The following TAC1 variants were observed in gnomAD, a reference collection of about 807,000 sequenced individuals.
The protein encoded by TAC1 is protachykinin-1.
Under a neutral mutation model 21.7 loss-of-function variants are expected in TAC1, and 12 were observed. The observed-to-expected ratio is 0.55, with a 90% CI of 0.35 to 0.89. The LOEUF is 0.89. Ranked by LOEUF, TAC1 falls within the 40% of genes least tolerant of loss-of-function variation. The pLI, the probability that TAC1 is intolerant of heterozygous loss-of-function variation, is 0.01. For missense variants in TAC1, 128 were observed against 151.4 expected, an observed-to-expected ratio of 0.85 and a Z score of 0.81; for synonymous variants, 52 against 52.0, an observed-to-expected ratio of 1.00 and a Z score of 0.00.
rs1789456677 is a variant in TAC1 at position 97,732,443 on chromosome 7, C to T, written c.-9-161C>T. On this transcript the variant is annotated intron_variant, in intron 1 of 6. Coordinates refer to ENST00000319273, the MANE Select transcript of TAC1 (RefSeq NM_003182.3). This position sits in a 1 kb window ranked among gnomAD's most constrained non-coding sequence, Gnocchi z 6.2. ...GTTGGAGAATCTTTGGGACGCGATT[C>T]TCTCGCCTAACCGGTACAGGTGAGA... Among the ~76,000 whole-genome samples, 1 of 152,202 alleles carries T rather than the reference C, an allele frequency of 6.6e-6. No individual in the cohort carries two copies. Among genetic ancestry groups the T allele is most frequent in the Non-Finnish European group, 1.5e-5 (1 of 68,030 alleles).
chr7:97,733,699 T>G (rs766706281), intron 2 of TAC1, 24 bp from the exon 3 acceptor site: 1 of 1,612,930 alleles, frequency 6.2e-7, no homozygotes, highest in Non-Finnish European at 8.5e-7. Flanking sequence ...TTACACGCCC[T>G]TTGTCCGTGC....
chr7:97,733,379 G>A (rs1371463411), intron 2 of TAC1, among the ~76,000 whole-genome samples: 1 of 152,084 alleles, frequency 6.6e-6, no homozygotes, highest in African/African-American at 2.4e-5. Context: ...AGGGCGGTGA[G>A]GACTCTACAA....
intron 6 of TAC1, among the ~76,000 whole-genome samples, chr7:97,737,646 G>A (rs1789607408): frequency 6.6e-6 from 1 of 151,866 alleles, no homozygotes; most frequent in South Asian, 2.1e-4. Context: ...AAGTCCACAG[G>A]ACTTCCTAGT....
intron 3 of TAC1, 99 bp from the exon 4 acceptor site, chr7:97,734,149 A>C: frequency 1.7e-6 from 2 of 1,179,482 alleles, no homozygotes; most frequent in South Asian, 2.6e-5. Flanking sequence ...GCATTCCCTG[A>C]GGTGAGAGTA....
At chr7:97,734,327 TG>T in intron 4 of TAC1, 35 bp downstream of exon 4, 1 of 1,566,080 alleles carries the variant, frequency 6.4e-7, no homozygotes, top group Non-Finnish European at 8.8e-7. Flanking sequence ...TTTACTATTG[TG>T]AAAGCACATG....
intron 5 of TAC1, among the ~76,000 whole-genome samples, chr7:97,735,633 A>C (rs1789561216): frequency 6.6e-6 from 1 of 152,166 alleles, no homozygotes. Flanking sequence ...AAAAACCAAG[A>C]GAAATTCTCT....
intron 5 of TAC1, among the ~76,000 whole-genome samples, chr7:97,735,844 T>C (rs984438247): frequency 1.6e-4 from 25 of 152,122 alleles, no homozygotes; most frequent in African/African-American, 5.8e-4. Flanking sequence ...ATAAAAACAG[T>C]GACCTTTTAG....
At chr7:97,734,183 C>A in intron 3 of TAC1, 65 bp from the exon 4 acceptor site, 2 of 1,479,682 alleles carry the variant, frequency 1.4e-6, no homozygotes, top group Admixed American at 1.7e-5. Flanking sequence ...ATAGAAATAT[C>A]GTTTCCTTGA....
chr7:97,733,994 G>T, intron 3 of TAC1, 175 bp downstream of exon 3: 1 of 711,546 alleles, frequency 1.4e-6, no homozygotes, highest in Non-Finnish European at 2.3e-6. Context: ...GGCCCGCGGG[G>T]GGAGGGAAAG....
Position 97,732,865 on chromosome 7 carries a change from A to T in TAC1, c.123+130A>T, listed in dbSNP as rs1274037793. ...CGGAAAGAGGCAGCGGTTGCGTGCG[A>T]GAGGATGGAAAGGGGCACTATTTCC... On this transcript the variant is annotated intron_variant, in intron 2 of 6. Transcript: ENST00000319273. The surrounding 1 kb of genome is among the most constrained non-coding windows in gnomAD (Gnocchi z 6.2). 3.3e-5 allele frequency: 41 copies of T among 1,242,836 alleles called. No homozygotes were observed. Among genetic ancestry groups the T allele is most frequent in the Non-Finnish European group, 4.5e-5 (41 of 909,722 alleles). The allele number at this position is 1,242,836 out of a possible 1,614,324, so 77.0% of individuals were successfully genotyped here.
Position 97,732,460 on chromosome 7 carries a change from C to A in TAC1, c.-9-144C>A. 1 of 935,708 alleles carries A rather than the reference C, an allele frequency of 1.1e-6. No homozygotes were observed. The highest frequency in any genetic ancestry group is 1.6e-6 in the Non-Finnish European group (1 of 615,152). The allele number at this position is 935,708 out of a possible 1,614,324, so 58.0% of individuals were successfully genotyped here. ...ACGCGATTCTCTCGCCTAACCGGTACAGGTGAGACTTCAGTCCTTATGTTT... is the reference window on the plus strand; with the variant it reads ...ACGCGATTCTCTCGCCTAACCGGTAAAGGTGAGACTTCAGTCCTTATGTTT... On this transcript the variant is annotated intron_variant, in intron 1 of 6. Coordinates refer to ENST00000319273, the MANE Select transcript of TAC1 (RefSeq NM_003182.3). The surrounding 1 kb of genome is among the most constrained non-coding windows in gnomAD (Gnocchi z 6.2).
intron 6 of TAC1, 79 bp from the exon 7 acceptor site, chr7:97,739,795 C>T (rs1789662119): frequency 8.2e-6 from 8 of 970,162 alleles, no homozygotes; most frequent in Non-Finnish European, 1.1e-5. Flanking sequence ...AAATAAATTA[C>T]TATATGCCCT....
chr7:97,734,184 G>C (rs965646475), intron 3 of TAC1, 64 bp from the exon 4 acceptor site: 3 of 1,494,224 alleles, frequency 2.0e-6, no homozygotes, highest in Non-Finnish European at 2.8e-6. Flanking sequence ...TAGAAATATC[G>C]TTTCCTTGAA....
intron 6 of TAC1, 57 bp from the exon 7 acceptor site, chr7:97,739,817 G>T: frequency 7.5e-7 from 1 of 1,326,062 alleles, no homozygotes; most frequent in Non-Finnish European, 1.1e-6. Flanking sequence ...AACTTTAGTT[G>T]TGTAACTCCC....
intron 6 of TAC1, among the ~76,000 whole-genome samples, chr7:97,737,392 T>G (rs1789599330): frequency 6.6e-6 from 1 of 151,952 alleles, no homozygotes; most frequent in South Asian, 2.1e-4. Flanking sequence ...GAAAAATAAT[T>G]ATCCTAGTGT....
At chr7:97,735,787 AAACT>A (rs1399049799) in intron 5 of TAC1, among the ~76,000 whole-genome samples, 1 of 152,180 alleles carries the variant, frequency 6.6e-6, no homozygotes, top group African/African-American at 2.4e-5. Context: ...GTTCATGTGA[AAACT>A]AATAAACTTT....
At chr7:97,738,842 T>C (rs1455566892) in intron 6 of TAC1, among the ~76,000 whole-genome samples, 1 of 151,954 alleles carries the variant, frequency 6.6e-6, no homozygotes, top group Non-Finnish European at 1.5e-5. Flanking sequence ...ATACAGGCCA[T>C]ACTGAATTTC....
chr7:97,733,177 G>A (rs1562783829), intron 2 of TAC1: 1 of 176,864 alleles, frequency 5.7e-6, no homozygotes, highest in Non-Finnish European at 1.2e-5. Flanking sequence ...GGAGGCTGGA[G>A]GGAAGTTAAT....
Position 97,736,294 on chromosome 7 carries a change from T to C in TAC1, c.290-5T>C, listed in dbSNP as rs1434623573. On this transcript the variant is annotated splice_region_variant and splice_polypyrimidine_tract_variant and intron_variant, in intron 5 of 6. Transcript: ENST00000319273. Reference sequence around the variant, plus strand: ...ATTAAAATACCCCTAAATGTATTTTTCCAGGACATAAAACAGATTCCTTTG... The same window carrying C: ...ATTAAAATACCCCTAAATGTATTTTCCCAGGACATAAAACAGATTCCTTTG... 6.2e-7 allele frequency: 1 copy of C among 1,610,244 alleles called. No homozygotes were observed. Among genetic ancestry groups the C allele is most frequent in the African/African-American group, 1.3e-5 (1 of 74,908 alleles).
Sources: allele counts gnomAD v4.1 joint callset (sites outside exome capture counted in the v4.1 genomes callset), GRCh38; gene constraint gnomAD v4.1.1; non-coding constraint Gnocchi (gnomAD v3.1); transcripts MANE v1.5; gene names NCBI Gene and HGNC (gene_info 2026-07-23, HGNC 2026-07-21).